Variants in SENP5 observed in about 807,000 individuals in gnomAD.
SENP5 encodes the protein sentrin-specific protease 5.
Under a neutral mutation model 74.2 loss-of-function variants are expected in SENP5, and 21 were observed. That is an observed-to-expected ratio of 0.28 (90% CI 0.20 to 0.41). The LOEUF (loss-of-function observed/expected upper bound fraction) is 0.41. Ranked by LOEUF, SENP5 falls within the 10% of genes least tolerant of loss-of-function variation. SENP5 has a pLI of 1.00. For synonymous variants in SENP5, 311 were observed against 312.7 expected (o/e 0.99, Z 0.06); for missense variants, 717 against 889.1 (o/e 0.81, Z 2.46).
chr3:196,898,690 G>A (rs956930689), intron 2 of SENP5, among the ~76,000 whole-genome samples: 11 of 152,046 alleles, frequency 7.2e-5, no homozygotes, highest in East Asian at 5.8e-4. Flanking sequence ...CGAGGCGGGC[G>A]GATCACAAGG....
intron 1 of SENP5, among the ~76,000 whole-genome samples, chr3:196,878,451 G>A (rs1391009141): frequency 6.6e-6 from 1 of 152,184 alleles, no homozygotes; most frequent in African/African-American, 2.4e-5. Flanking sequence ...TCTATATGCT[G>A]AAGGTAGAAA....
Position 196,869,759 on chromosome 3 carries a change from C to CAAAAAA in SENP5, c.-32+1706_-32+1711dup, listed in dbSNP as rs58745670. Among the ~76,000 whole-genome samples, 33 of 37,982 alleles carry CAAAAAA rather than the reference C, an allele frequency of 8.7e-4. 2 individuals are homozygous for CAAAAAA. Among genetic ancestry groups the CAAAAAA allele is most frequent in the African/African-American group, 3.5e-3 (30 of 8,676 alleles). 24.9% of individuals were successfully genotyped at this position (37,982 alleles called of 152,430 possible). On this transcript the variant is annotated intron_variant, in intron 1 of 9. Coordinates refer to ENST00000323460, the MANE Select transcript of SENP5 (RefSeq NM_152699.5). ...GGGCAACAAGAGCAAAACTCCGTCT[C>CAAAAAA]AAAAAAAAAAAAAAAAAAAAAAAAA...
intron 9 of SENP5, among the ~76,000 whole-genome samples, chr3:196,930,352 A>G (rs1167855379): frequency 1.3e-5 from 2 of 152,206 alleles, no homozygotes; most frequent in Non-Finnish European, 2.9e-5. Flanking sequence ...TGCTTTTCAC[A>G]GTATTGGGTC....
At chr3:196,911,091 T>G (rs1224760087) in intron 6 of SENP5, among the ~76,000 whole-genome samples, 1 of 152,192 alleles carries the variant, frequency 6.6e-6, no homozygotes, top group African/African-American at 2.4e-5. Context: ...AAGACTTAAT[T>G]GTAAAACACA....
At chr3:196,914,586 A>AAAAAAATATAT in intron 6 of SENP5, 2 of 33,498 alleles carry the variant, frequency 6.0e-5, no homozygotes, top group African/African-American at 3.6e-4. Context: ...AAAAAAAAAA[A>AAAAAAATATAT]ATATATATAT....
intron 6 of SENP5, among the ~76,000 whole-genome samples, chr3:196,911,545 A>G (rs1715124827): frequency 6.7e-6 from 1 of 148,688 alleles, no homozygotes. Context: ...CGACAGAGTG[A>G]GACTTTGTCT....
In SENP5 at chr3:196,885,383, A is replaced by C; in HGVS notation, c.202A>C (p.Lys68Gln). The stretch of plus-strand genomic sequence containing the variant: ...TAGAAAGAAAGCTCTTCAAATCCAG[A>C]AAACGTGGATCAAGGATGAACCCCT... ...QGRKKALQIQ[K>Q]TWIKDEPLCA... The change falls in exon 2 of 10, where the codon AAA (lysine) becomes CAA (glutamine). Residue 68 changes from lysine (K) to glutamine (Q), a missense_variant. By Grantham distance (53) the Lys-to-Gln change is moderately conservative. This residue lies in a region of SENP5 where 567 missense variants were observed against 577.4 expected (regional missense o/e 0.98). Transcript: ENST00000323460. 1 of 1,614,196 alleles carries C rather than the reference A, an allele frequency of 6.2e-7. No individual in the cohort carries two copies. Among genetic ancestry groups the C allele is most frequent in the Non-Finnish European group, 8.5e-7 (1 of 1,180,018 alleles).
intron 1 of SENP5, among the ~76,000 whole-genome samples, chr3:196,871,119 G>A (rs1713197733): frequency 6.6e-6 from 1 of 152,014 alleles, no homozygotes; most frequent in Non-Finnish European, 1.5e-5. Flanking sequence ...GCAGTGAGCC[G>A]AGGTTGCACC....
chr3:196,906,632 A>G (rs1406501568), intron 6 of SENP5, among the ~76,000 whole-genome samples: 1 of 152,246 alleles, frequency 6.6e-6, no homozygotes, highest in Non-Finnish European at 1.5e-5. Context: ...TATGTGAAAC[A>G]TAGGCAGAAG....
chr3:196,877,011 CT>C (rs1397391814), intron 1 of SENP5, among the ~76,000 whole-genome samples: 1 of 151,920 alleles, frequency 6.6e-6, no homozygotes, highest in Non-Finnish European at 1.5e-5. Flanking sequence ...ACATTGCTTA[CT>C]TTTTAATTAA....
chr3:196,893,137 T>A (rs1056799671), intron 2 of SENP5, among the ~76,000 whole-genome samples: 2 of 152,272 alleles, frequency 1.3e-5, no homozygotes, highest in Admixed American at 1.3e-4. Context: ...ATGGCTGTGC[T>A]AATTCACATT....
rs1451467354 is a variant in SENP5, at chr3:196,886,168, A to G, written c.987A>G (p.Lys329=). 6.2e-7 allele frequency: 1 copy of G among 1,614,232 alleles called. No homozygotes were observed. Residue 329 remains lysine, a synonymous_variant, in exon 2 of 10, where the codon AAA becomes AAG. Transcript: ENST00000323460. ...CTCATGTGCCTGATTGCCACACTAA[A>G]GGAAGCTCTTTCTTGGGCAAGGAGC... The part of the protein sequence containing the change: ...TNSHVPDCHT[K]GSSFLGKELS...
chr3:196,926,957 G>C (rs1435045713), intron 7 of SENP5, among the ~76,000 whole-genome samples: 2 of 152,050 alleles, frequency 1.3e-5, no homozygotes, highest in African/African-American at 4.8e-5. Flanking sequence ...GTCCACTTTT[G>C]TTGGGGGGTG....
chr3:196,893,144 C>A (rs116411001), intron 2 of SENP5, among the ~76,000 whole-genome samples: 389 of 152,342 alleles, frequency 2.6e-3, no homozygotes, highest in African/African-American at 9.0e-3. Context: ...TGCTAATTCA[C>A]ATTCCCACCA....
In SENP5 at chr3:196,886,611, A is replaced by C; in HGVS notation, c.1430A>C (p.Lys477Thr). Residue 477 changes from lysine (K) to threonine (T), a missense_variant, in exon 2 of 10, where the codon AAA becomes ACA. Coordinates refer to ENST00000323460, the MANE Select transcript of SENP5 (RefSeq NM_152699.5). ...LEAPLVCSGL[K>T]LENQVGGGKN... is the part of the protein sequence containing the mutation. ...GCTCCCTTGGTGTGCAGTGGACTCA[A>C]ACTAGAAAATCAAGTAGGAGGTGGA... 6.2e-7 allele frequency: 1 copy of C among 1,611,554 alleles called. No individual in the cohort carries two copies. Among genetic ancestry groups the C allele is most frequent in the East Asian group, 2.2e-5 (1 of 44,874 alleles).
chr3:196,899,882 CAT>C (rs761187667), intron 3 of SENP5, 40 bp from the exon 4 acceptor site: 1 of 1,604,354 alleles, frequency 6.2e-7, no homozygotes, highest in Non-Finnish European at 8.5e-7. Flanking sequence ...GAGAAGTACT[CAT>C]GTTTTTTTTA....
rs181072464 is a variant in SENP5 at position 196,903,144 on chromosome 3, T to C, written c.1807-389T>C. ...TCTATATTTTGATCATTATTATCAT[T>C]ATTATTATTTTTTGAGACGGAGTTT... On this transcript the variant is annotated intron_variant, in intron 5 of 9. Transcript: ENST00000323460. 2.8e-4 allele frequency among the ~76,000 whole-genome samples: 43 copies of C among 151,610 alleles called. No individual in the cohort carries two copies. The East Asian group carries it at 5.0e-3, about 18-fold the overall frequency.
At position 196,923,488 on chromosome 3, in the gene SENP5, A is replaced by T. The variant is rs745694964; in HGVS notation, c.1959A>T (p.Thr653=). ...LEVHWSLITV[T]LSNRIISFYD... ...TCCACTGGTCTCTCATTACTGTGAC[A>T]CTCTCTAATCGAATTATTTCATTTT... The change falls in exon 7 of 10, where the codon ACA becomes ACT. Residue 653 remains threonine (T), a synonymous_variant. Coordinates refer to ENST00000323460, the MANE Select transcript of SENP5 (RefSeq NM_152699.5). The T allele has an allele frequency of 9.9e-6, 16 of 1,611,508 alleles. No homozygotes were observed. The highest frequency in any genetic ancestry group is 1.3e-5 in the Non-Finnish European group (15 of 1,178,056).
rs1201772091 is a variant in SENP5, at chr3:196,934,542, A to G, written c.*3619A>G. On this transcript the variant is annotated 3_prime_UTR_variant, in exon 10 of 10. Coordinates refer to ENST00000323460, the MANE Select transcript of SENP5 (RefSeq NM_152699.5). ...ACGGCCCAGGGAATACCAGCAGAGA[A>G]GTGCTAATTGTATTTGGGTGTTACA... 1 of 152,232 alleles carries G rather than the reference A, an allele frequency of 6.6e-6. No individual in the cohort carries two copies. The highest frequency in any genetic ancestry group is 1.5e-5 in the Non-Finnish European group (1 of 68,040). 9.4% of individuals were successfully genotyped at this position (152,232 alleles called of 1,614,324 possible).
Sources: allele counts gnomAD v4.1 joint callset (sites outside exome capture counted in the v4.1 genomes callset), GRCh38; gene constraint gnomAD v4.1.1; regional missense constraint gnomAD v4.1.1; transcripts MANE v1.5; gene names NCBI Gene and HGNC (gene_info 2026-07-23, HGNC 2026-07-21).